Variants in ZDHHC11 observed in about 807,000 individuals in gnomAD.
ZDHHC11 encodes the protein zDHHC palmitoyltransferase 11, also known as palmitoyltransferase ZDHHC11.
A neutral mutation model predicts 51.3 loss-of-function variants in ZDHHC11; 44 were observed. That is an observed-to-expected ratio of 0.86 (90% confidence interval 0.67 to 1.10). The LOEUF (loss-of-function observed/expected upper bound fraction) is 1.10. Among genes scored for constraint, ZDHHC11 ranks in the 50% least tolerant of loss-of-function variants. The pLI is 0.00. For missense variants in ZDHHC11, 400 were observed against 537.7 expected (o/e 0.74, Z 2.53); for synonymous variants, 163 against 222.0 (o/e 0.73, Z 2.36).
intron 11 of ZDHHC11, among the ~76,000 whole-genome samples, chr5:809,014 C>CACACACACACAAACAT (rs1554050773): frequency 7.2e-6 from 1 of 139,026 alleles, no homozygotes; most frequent in South Asian, 2.3e-4. Context: ...CACACACACA[C>CACACACACACAAACAT]GCACACTATT....
chr5:810,932 A>C (rs1740015512), intron 11 of ZDHHC11, among the ~76,000 whole-genome samples: 1 of 151,922 alleles, frequency 6.6e-6, no homozygotes, highest in South Asian at 2.1e-4. Flanking sequence ...CAGGTGCCTA[A>C]AGAGGTGTAT....
At chr5:832,610 CA>C (rs1327625570) in intron 7 of ZDHHC11, among the ~76,000 whole-genome samples, 1 of 60,828 alleles carries the variant, frequency 1.6e-5, no homozygotes, top group Non-Finnish European at 3.4e-5. Flanking sequence ...AACAAACAAA[CA>C]AAAAAATTAG....
chr5:821,619 C>G lies in ZDHHC11; in HGVS notation c.1058+242G>C, dbSNP rs574200819. Among the ~76,000 whole-genome samples, 64 of 146,570 alleles carry G rather than the reference C, an allele frequency of 4.4e-4. 2 individuals carry two copies. The highest frequency in any genetic ancestry group is 9.5e-4 in the Admixed American group (14 of 14,684). ...ATACTGTGGACTTTTGCTGCAGGAACCACCAAGGAGCGTACCAGGAAAAAA... is the reference window on the plus strand; with the variant it reads ...ATACTGTGGACTTTTGCTGCAGGAAGCACCAAGGAGCGTACCAGGAAAAAA... On this transcript the variant is annotated intron_variant, in intron 9 of 12. Transcript: ENST00000283441.
At chr5:815,956 G>A (rs1329231255) in intron 10 of ZDHHC11, among the ~76,000 whole-genome samples, 1 of 151,382 alleles carries the variant, frequency 6.6e-6, no homozygotes, top group African/African-American at 2.4e-5. Flanking sequence ...TGGGTGCCAT[G>A]CTATCTTATT....
rs1747136157 is a variant in ZDHHC11, at chr5:850,955, CCA to C, written c.-355_-354del. On this transcript the variant is annotated 5_prime_UTR_variant, in exon 1 of 13. Coordinates refer to ENST00000283441, the MANE Select transcript of ZDHHC11 (RefSeq NM_024786.3). ...CGTTCTGGGGAGTGCTCGACAGCCC[CCA>C]CACAGCGACAGGTCCCACAACCCGT... 1 of 362,552 alleles carries C rather than the reference CCA, an allele frequency of 2.8e-6. No individual in the cohort carries two copies. Among genetic ancestry groups the C allele is most frequent in the African/African-American group, 2.1e-5 (1 of 47,938 alleles). The allele number at this position is 362,552 out of a possible 1,614,324, so 22.5% of individuals were successfully genotyped here.
At chr5:797,912 G>C (rs1195258942) in intron 12 of ZDHHC11, among the ~76,000 whole-genome samples, 4 of 150,776 alleles carry the variant, frequency 2.7e-5, no homozygotes, top group African/African-American at 4.9e-5. Context: ...TGGCTCCTGG[G>C]AATGACCAGT....
chr5:819,550 T>G lies in ZDHHC11; in HGVS notation c.1121A>C (p.His374Pro). ...CTGTGCCATCGAGCCCCCGTCTGGG[T>G]GTACACGAGTGGAGAACTGACACAG... ...RRLCQFSTRV[H>P]PDGGSMAQEA... Residue 374 changes from histidine (H) to proline (P), a missense_variant, in exon 10 of 13, where the codon CAC (histidine) becomes CCC (proline). Physicochemically the swap from His to Pro is moderately conservative, Grantham distance 77. Transcript: ENST00000283441. 6.2e-7 allele frequency: 1 copy of G among 1,609,794 alleles called. No homozygotes were observed. The highest frequency in any genetic ancestry group is 8.5e-7 in the Non-Finnish European group (1 of 1,176,656).
rs1182715672 is a variant in ZDHHC11, at chr5:843,931, CAGGGGCG to C, written c.504-214_504-208del. ...GCAGGGACACGCAGGGCATCTGAGG[CAGGGGCG>C]GGGGCATGCAGGGCAGGTGGGGGGT... On this transcript the variant is annotated intron_variant, in intron 3 of 12. Transcript: ENST00000283441. 9.3e-3 allele frequency among the ~76,000 whole-genome samples: 825 copies of C among 88,344 alleles called. 26 individuals carry two copies. The East Asian group carries it at 0.14, about 15-fold the overall frequency. 58.0% of individuals were successfully genotyped at this position (88,344 alleles called of 152,430 possible).
chr5:824,123 GT>G, intron 8 of ZDHHC11: 1 of 453,438 alleles, frequency 2.2e-6, no homozygotes, highest in East Asian at 7.0e-5. Context: ...GAACACACCT[GT>G]AACCTCCAGA....
At chr5:836,716 T>C (rs1191404554) in intron 6 of ZDHHC11, among the ~76,000 whole-genome samples, 1 of 149,686 alleles carries the variant, frequency 6.7e-6, no homozygotes, top group African/African-American at 2.5e-5. Context: ...GAGTTAGTTA[T>C]AATAATTCAT....
intron 1 of ZDHHC11, among the ~76,000 whole-genome samples, chr5:858,702 C>T (rs1255623664): frequency 6.6e-6 from 1 of 152,180 alleles, no homozygotes; most frequent in Non-Finnish European, 1.5e-5. Context: ...TTCCATTCCT[C>T]TACTCCCCAC....
chr5:816,779 C>G lies in ZDHHC11; in HGVS notation c.1147-1984G>C, dbSNP rs754939499. On this transcript the variant is annotated intron_variant, in intron 10 of 12. Transcript: ENST00000283441. ...AGAAAAGAGCCTACAGGAGTGGATT[C>G]TGATGCTATTTGGGAGCTGCCCTCC... 2.3e-4 allele frequency: 110 copies of G among 485,626 alleles called. 1 individual carries two copies. The highest frequency in any genetic ancestry group is 3.5e-4 in the Non-Finnish European group (87 of 247,432). The allele number at this position is 485,626 out of a possible 1,614,324, so 30.1% of individuals were successfully genotyped here.
chr5:840,743 G>A (rs1744708916), intron 4 of ZDHHC11, 93 bp from the exon 5 acceptor site: 3 of 1,586,198 alleles, frequency 1.9e-6, no homozygotes, highest in African/African-American at 2.7e-5. Context: ...TGGGGATGGG[G>A]CGGTGTGGGG....
At chr5:818,143 C>T (rs1741064325) in intron 10 of ZDHHC11, among the ~76,000 whole-genome samples, 1 of 150,802 alleles carries the variant, frequency 6.6e-6, no homozygotes, top group Admixed American at 6.6e-5. Context: ...TGTGGCTTCA[C>T]ACAAGGGTGA....
intron 8 of ZDHHC11, 91 bp downstream of exon 8, chr5:825,073 T>C: frequency 1.5e-6 from 2 of 1,323,436 alleles, no homozygotes; most frequent in South Asian, 2.4e-5. Flanking sequence ...CCATTCTGAA[T>C]ACTGCCTTAA....
chr5:814,890 C>A, intron 10 of ZDHHC11, 95 bp from the exon 11 acceptor site: 1 of 1,230,802 alleles, frequency 8.1e-7, no homozygotes, highest in Non-Finnish European at 1.1e-6. Flanking sequence ...CTAGTCAGTT[C>A]TGAGTAATGG....
At chr5:840,805 G>C (rs1437231462) in intron 4 of ZDHHC11, 155 bp from the exon 5 acceptor site, 5 of 1,514,954 alleles carry the variant, frequency 3.3e-6, no homozygotes, top group Non-Finnish European at 3.6e-6. Flanking sequence ...TCCCTTACCT[G>C]AGTGCCCCGT....
intron 3 of ZDHHC11, among the ~76,000 whole-genome samples, chr5:846,742 CG>C (rs1746251700): frequency 4.8e-5 from 7 of 144,982 alleles, no homozygotes; most frequent in African/African-American, 7.9e-5. Flanking sequence ...AAACACCTCT[CG>C]TTCTTGAGCC....
At chr5:823,844 C>G (rs1269577838) in intron 8 of ZDHHC11, 1 of 348,068 alleles carries the variant, frequency 2.9e-6, no homozygotes, top group Non-Finnish European at 5.8e-6. Flanking sequence ...CAAACACAGG[C>G]AGAGAAACTC....
Sources: gnomAD v4.1 joint callset for allele counts (sites outside exome capture counted in the v4.1 genomes callset) on GRCh38, gnomAD v4.1.1 for gene constraint, MANE v1.5 for transcripts, NCBI Gene and HGNC (gene_info 2026-07-23, HGNC 2026-07-21) for gene names.